The following ZNF320 variants were observed in gnomAD, a reference collection of about 807,000 sequenced individuals.
ZNF320 encodes the protein zinc finger protein 320.
ZNF320 carries 2 observed loss-of-function variants against 6.8 expected under a neutral mutation model. That is an observed-to-expected ratio of 0.29 (90% CI 0.12 to 0.93). The LOEUF (loss-of-function observed/expected upper bound fraction) is 0.93. ZNF320 is among the 40% of genes least tolerant of loss of function. The pLI is 0.55. For synonymous variants in ZNF320, 208 were observed against 203.2 expected, an observed-to-expected ratio of 1.02 and a Z score of -0.20; for missense variants, 472 against 611.0, an observed-to-expected ratio of 0.77 and a Z score of 2.40.
chr19:52,885,100 G>A (rs2064033523), intron 5 of ZNF320, among the ~76,000 whole-genome samples: 1 of 152,114 alleles, frequency 6.6e-6, no homozygotes, highest in African/African-American at 2.4e-5. Flanking sequence ...TACTTGAGAG[G>A]CTGAGGCAGG....
At position 52,868,657 on chromosome 19, in the gene ZNF320, C is replaced by T. The variant is rs149802569; in HGVS notation, c.224-4498G>A. 6.2e-4 allele frequency among the ~76,000 whole-genome samples: 95 copies of T among 152,172 alleles called. 1 individual carries two copies. Among genetic ancestry groups the T allele is most frequent in the East Asian group, 5.2e-3 (27 of 5,176 alleles). On this transcript the variant is annotated intron_variant, in intron 5 of 5. Coordinates refer to the ZNF320 transcript ENST00000673631. ...TTGATTCTTGGCCTGAAGGATCCCA[C>T]GACATGTTTCTAAGCAAAATAGTCC... is the stretch of plus-strand genomic sequence containing the variant.
intron 5 of ZNF320, among the ~76,000 whole-genome samples, chr19:52,887,730 G>T (rs1208562899): frequency 6.6e-6 from 1 of 152,112 alleles, no homozygotes; most frequent in Non-Finnish European, 1.5e-5. Context: ...GGGATTGCAG[G>T]TGTGCACCAT....
intron 4 of ZNF320, among the ~76,000 whole-genome samples, chr19:52,890,004 T>C (rs1018945344): frequency 6.6e-6 from 1 of 152,142 alleles, no homozygotes; most frequent in Non-Finnish European, 1.5e-5. Flanking sequence ...TCTCCATCCA[T>C]GTCTGGGTGT....
chr19:52,884,834 C>CT (rs1415617805), intron 5 of ZNF320, among the ~76,000 whole-genome samples: 1 of 152,156 alleles, frequency 6.6e-6, no homozygotes. Context: ...GCTGACAAAT[C>CT]TTATTAAACA....
At chr19:52,873,433 G>A (rs573945439), downstream of ZNF320, among the ~76,000 whole-genome samples, 4 of 152,304 alleles carry the variant, frequency 2.6e-5, no homozygotes, top group Admixed American at 6.5e-5. Context: ...TGCACAGCCC[G>A]AGATCCATTA....
At chr19:52,898,616 C>G (rs982597822), upstream of ZNF320, among the ~76,000 whole-genome samples, 1 of 152,220 alleles carries the variant, frequency 6.6e-6, no homozygotes, top group African/African-American at 2.4e-5. Context: ...AATCTACTGC[C>G]TTGAAATCCG....
chr19:52,861,238 A>C (rs990464207), exon 6 of ZNF320, among the ~76,000 whole-genome samples: 3 of 152,200 alleles, frequency 2.0e-5, no homozygotes, highest in African/African-American at 7.2e-5. Context: ...ATTTTAAAAG[A>C]AAATTAAGAA....
intron 5 of ZNF320, among the ~76,000 whole-genome samples, chr19:52,886,491 C>A (rs1169813277): frequency 6.6e-6 from 1 of 152,136 alleles, no homozygotes; most frequent in Non-Finnish European, 1.5e-5. Context: ...TTTAACATAC[C>A]TGCAACAATA....
downstream of ZNF320, among the ~76,000 whole-genome samples, chr19:52,873,100 C>T (rs2063708991): frequency 6.6e-6 from 1 of 152,148 alleles, no homozygotes; most frequent in Non-Finnish European, 1.5e-5. Flanking sequence ...GGTTTTACAC[C>T]GAGACATTCC....
At chr19:52,873,830 T>A (rs766799242), downstream of ZNF320, among the ~76,000 whole-genome samples, 4 of 152,020 alleles carry the variant, frequency 2.6e-5, no homozygotes, top group African/African-American at 4.8e-5. Flanking sequence ...TTATAGGAGA[T>A]GGAATTTAAG....
At chr19:52,882,902 T>A (rs1396410325) in intron 5 of ZNF320, among the ~76,000 whole-genome samples, 1 of 151,370 alleles carries the variant, frequency 6.6e-6, no homozygotes, top group South Asian at 2.1e-4. Flanking sequence ...GATCACACCA[T>A]TGCACTCCAC....
intron 5 of ZNF320, among the ~76,000 whole-genome samples, chr19:52,864,771 T>C (rs1247845066): frequency 6.6e-6 from 1 of 152,104 alleles, no homozygotes; most frequent in African/African-American, 2.4e-5. Context: ...CTCAGCACTT[T>C]GGGAGGCCGA....
At chr19:52,869,469 T>C (rs528595803) in intron 5 of ZNF320, among the ~76,000 whole-genome samples, 77 of 152,258 alleles carry the variant, frequency 5.1e-4, no homozygotes, top group African/African-American at 1.7e-3. Context: ...AGAGCTGTGT[T>C]TGTGAAAACA....
intron 5 of ZNF320, among the ~76,000 whole-genome samples, chr19:52,866,309 C>G (rs34207074): frequency 0.012 from 1,807 of 150,652 alleles, 29 homozygotes; most frequent in Non-Finnish European, 0.016. Context: ...GCCTGTAATC[C>G]CAGCAATCTG....
chr19:52,885,247 C>T (rs1349695997), intron 5 of ZNF320, among the ~76,000 whole-genome samples: 1 of 151,700 alleles, frequency 6.6e-6, no homozygotes, highest in Non-Finnish European at 1.5e-5. Context: ...ATAACTCCAA[C>T]CCACAAACAT....
At chr19:52,900,328 T>G (rs1273741739), upstream of ZNF320, among the ~76,000 whole-genome samples, 1 of 152,176 alleles carries the variant, frequency 6.6e-6, no homozygotes, top group East Asian at 1.9e-4. Context: ...GATGAGTGAA[T>G]TTTTTTCTTT....
At position 52,888,093 on chromosome 19, in the gene ZNF320, C is replaced by A. The variant is rs368979028; in HGVS notation, c.142+34G>T. The A allele has an allele frequency of 3.8e-4, 603 of 1,601,582 alleles. 1 individual carries two copies. The African/African-American group carries it at 6.2e-3, about 16-fold the overall frequency. The stretch of plus-strand genomic sequence containing the variant: ...GAGAAAATACAAAGATCCACAAGGG[C>A]ACATCCCCACTTCTGGAGGGAAGTT... On this transcript the variant is annotated intron_variant, in intron 5 of 5. Transcript: ENST00000682928.
rs1352288233 is a variant in ZNF320, at chr19:52,876,616, C to T, written c.*3980G>A. ...GAATTCAAGCCATTCTTCTGCCTCA[C>T]CCTCCTGAATAGCTGGGATTACAGG... On this transcript the variant is annotated 3_prime_UTR_variant, in exon 6 of 6. Coordinates refer to ENST00000682928, the MANE Select transcript of ZNF320 (RefSeq NM_001351774.2). The T allele has an allele frequency of 6.6e-6, 1 of 152,106 alleles. No homozygotes were observed. The highest frequency in any genetic ancestry group is 2.4e-5 in the African/African-American group (1 of 41,418). 9.4% of individuals were successfully genotyped at this position (152,106 alleles called of 1,614,324 possible).
downstream of ZNF320, among the ~76,000 whole-genome samples, chr19:52,874,822 G>A (rs781189082): frequency 6.6e-6 from 1 of 152,212 alleles, no homozygotes; most frequent in Non-Finnish European, 1.5e-5. Context: ...AAGAAACGCT[G>A]CTTGTCACTT....
Sources: gnomAD v4.1 joint callset for allele counts (sites outside exome capture counted in the v4.1 genomes callset) on GRCh38, gnomAD v4.1.1 for gene constraint, MANE v1.5 for transcripts, NCBI Gene and HGNC (gene_info 2026-07-23, HGNC 2026-07-21) for gene names.